The following CPNE2 variants were observed in gnomAD, a reference collection of about 807,000 sequenced individuals.
CPNE2 encodes copine-2.
In CPNE2, 42 loss-of-function variants were observed where a neutral mutation model predicts 69.7. The observed-to-expected ratio is 0.60, with a 90% CI of 0.47 to 0.78. The LOEUF (loss-of-function observed/expected upper bound fraction) is 0.78. CPNE2 is among the 30% of genes least tolerant of loss of function. CPNE2 has a pLI of 0.00. For synonymous variants in CPNE2, 294 were observed against 289.8 expected, an observed-to-expected ratio of 1.01 and a Z score of -0.15; for missense variants, 587 against 732.0, an observed-to-expected ratio of 0.80 and a Z score of 2.29.
intron 1 of CPNE2, among the ~76,000 whole-genome samples, chr16:57,098,342 G>A (rs76207127): frequency 0.063 from 9,635 of 152,266 alleles, 496 homozygotes; most frequent in East Asian, 0.13. Context: ...CCGTAGCCTC[G>A]GTGCAGAAAT....
chr16:57,127,280 G>T (rs1395151815), intron 11 of CPNE2, among the ~76,000 whole-genome samples: 1 of 152,192 alleles, frequency 6.6e-6, no homozygotes, highest in African/African-American at 2.4e-5. Flanking sequence ...TGTTACAGAT[G>T]GGGGCACAAC....
chr16:57,093,392 TG>T (rs1442871302), intron 1 of CPNE2, among the ~76,000 whole-genome samples: 2 of 151,932 alleles, frequency 1.3e-5, no homozygotes, highest in African/African-American at 2.4e-5. Flanking sequence ...AAAGGGGGTG[TG>T]GGGGTGGGCA....
In CPNE2 at chr16:57,115,457, T is replaced by G; in HGVS notation, c.361-19T>G. On this transcript the variant is annotated intron_variant, in intron 3 of 15. Coordinates refer to ENST00000290776, the MANE Select transcript of CPNE2 (RefSeq NM_152727.6). ...TCCCCCGCTTCCTCACTGAGCGCCC[T>G]TTCTCCTCTCTCCCCTAGATCGTCT... 1 of 1,599,404 alleles carries G rather than the reference T, an allele frequency of 6.3e-7. No individual in the cohort carries two copies. The highest frequency in any genetic ancestry group is 1.1e-5 in the South Asian group (1 of 89,602).
intron 1 of CPNE2, among the ~76,000 whole-genome samples, chr16:57,095,291 G>A (rs2069571416): frequency 6.6e-6 from 1 of 152,182 alleles, no homozygotes; most frequent in Non-Finnish European, 1.5e-5. Context: ...CCAGAAGGGA[G>A]GACATAGGGG....
chr16:57,097,897 T>C (rs2069587985), intron 1 of CPNE2, among the ~76,000 whole-genome samples: 1 of 152,074 alleles, frequency 6.6e-6, no homozygotes, highest in Non-Finnish European at 1.5e-5. Context: ...CCTATCCCCA[T>C]GTGGAGCTTC....
At chr16:57,107,754 A>C (rs4783972) in intron 1 of CPNE2, among the ~76,000 whole-genome samples, 49,731 of 151,716 alleles carry the variant, frequency 0.33, 8,753 homozygotes, top group South Asian at 0.41. Flanking sequence ...TGAAACTCAG[A>C]CACCCTATCA....
intron 1 of CPNE2, among the ~76,000 whole-genome samples, chr16:57,103,661 C>G (rs1263949441): frequency 2.6e-5 from 4 of 152,320 alleles, no homozygotes; most frequent in Admixed American, 6.5e-5. Flanking sequence ...GTGCCTGCCT[C>G]TCTCACTGTC....
At chr16:57,116,954 G>T (rs2069723526) in intron 4 of CPNE2, among the ~76,000 whole-genome samples, 1 of 152,206 alleles carries the variant, frequency 6.6e-6, no homozygotes, top group Non-Finnish European at 1.5e-5. Context: ...CGCCCAGCTA[G>T]GCCATCACTG....
At chr16:57,098,181 T>C (rs2069590136) in intron 1 of CPNE2, among the ~76,000 whole-genome samples, 1 of 152,144 alleles carries the variant, frequency 6.6e-6, no homozygotes, top group African/African-American at 2.4e-5. Flanking sequence ...TCCCTCTGAA[T>C]GTGGTCTGGT....
At chr16:57,099,452 G>A (rs61660954) in intron 1 of CPNE2, among the ~76,000 whole-genome samples, 3 of 152,116 alleles carry the variant, frequency 2.0e-5, no homozygotes, top group South Asian at 2.1e-4. Context: ...GAGTGTTTTC[G>A]TTGGGCACTA....
chr16:57,125,976 C>T lies in CPNE2; in HGVS notation c.1044C>T (p.Ile348=). The T allele has an allele frequency of 6.2e-7, 1 of 1,614,174 alleles. No homozygotes were observed. Among genetic ancestry groups the T allele is most frequent in the Non-Finnish European group, 8.5e-7 (1 of 1,180,030 alleles). The part of the protein sequence containing the change: ...YLSAIWAVGQ[I]IQDYDSDKMF... The stretch of plus-strand genomic sequence containing the variant: ...CGGCCATCTGGGCTGTTGGGCAGAT[C>T]ATTCAGGACTACGACAGGTAAGGTT... The change falls in exon 11 of 16, where the codon ATC becomes ATT. Residue 348 remains isoleucine (I), a synonymous_variant. Transcript: ENST00000290776.
At position 57,119,760 on chromosome 16, in the gene CPNE2, C is replaced by T. The variant is rs562584084; in HGVS notation, c.681+110C>T. ...AAAGCTCTTTCTCATACAAGTGGAA[C>T]GAACCCCCATCTTTGGAGGAGGGAG... On this transcript the variant is annotated intron_variant, in intron 7 of 15. Coordinates refer to ENST00000290776, the MANE Select transcript of CPNE2 (RefSeq NM_152727.6). 3.0e-4 allele frequency: 203 copies of T among 680,434 alleles called. No individual in the cohort carries two copies. In the African/African-American group the frequency reaches 3.2e-3, roughly 11 times the overall value. 42.1% of individuals were successfully genotyped at this position (680,434 alleles called of 1,614,324 possible).
intron 11 of CPNE2, 36 bp downstream of exon 11, chr16:57,126,029 G>A (rs1171673229): frequency 1.2e-6 from 2 of 1,611,892 alleles, no homozygotes; most frequent in Admixed American, 1.7e-5. Flanking sequence ...GTCAGCTAGG[G>A]TTCCATCCAA....
Position 57,121,709 on chromosome 16 carries a change from G to C in CPNE2, c.816G>C (p.Arg272Ser). ...EFECINPKKQ[R>S]KKKNYKNSGI... ...AGTGCATCAACCCCAAGAAGCAGAG[G>C]AAGAAGAAGAACTATAAAAACTCGG... Residue 272 changes from arginine (R) to serine (S), a missense_variant, in exon 9 of 16, where the codon AGG becomes AGC. This residue lies in a region of CPNE2 where 269 missense variants were observed against 300.5 expected (regional missense o/e 0.90). Coordinates refer to ENST00000290776, the MANE Select transcript of CPNE2 (RefSeq NM_152727.6). 1 of 1,614,062 alleles carries C rather than the reference G, an allele frequency of 6.2e-7. No individual in the cohort carries two copies. The highest frequency in any genetic ancestry group is 8.5e-7 in the Non-Finnish European group (1 of 1,179,950).
chr16:57,101,186 A>T (rs2069611101), intron 1 of CPNE2, among the ~76,000 whole-genome samples: 1 of 152,174 alleles, frequency 6.6e-6, no homozygotes, highest in Non-Finnish European at 1.5e-5. Context: ...GGCTTGCCCT[A>T]CAGATTTTGG....
chr16:57,107,248 A>G (rs1449290109), intron 1 of CPNE2, among the ~76,000 whole-genome samples: 1 of 152,158 alleles, frequency 6.6e-6, no homozygotes, highest in Admixed American at 6.5e-5. Context: ...TTTACACAAG[A>G]ATAAATCCTG....
In CPNE2 at chr16:57,110,778, G is replaced by T; in HGVS notation, c.36G>T (p.Ala12=). Residue 12 remains alanine (A), a synonymous_variant, in exon 2 of 16, where the codon GCG becomes GCT. Coordinates refer to ENST00000290776, the MANE Select transcript of CPNE2 (RefSeq NM_152727.6). Reference sequence around the variant, plus strand: ...TACCCAGTGGGGGTGCCCCAGCAGCGGGGGCAGCCCCCATGGGCCCCCAGT... The same window carrying T: ...TACCCAGTGGGGGTGCCCCAGCAGCTGGGGCAGCCCCCATGGGCCCCCAGT... The part of the protein sequence containing the change: ...AHIPSGGAPA[A]GAAPMGPQYC... 2 of 1,612,614 alleles carry T rather than the reference G, an allele frequency of 1.2e-6. No homozygotes were observed. Among genetic ancestry groups the T allele is most frequent in the Non-Finnish European group, 1.7e-6 (2 of 1,179,296 alleles).
rs1470142531 is a variant in CPNE2 at position 57,145,820 on chromosome 16, G to A, written c.1303-265G>A. ...GTCCAGGGCTCTCAGAGGCCCCAAG[G>A]GGGAGTCTAAGATAACACACAGGGC... On this transcript the variant is annotated intron_variant, in intron 14 of 15. Transcript: ENST00000290776. The A allele has an allele frequency of 5.9e-6, 3 of 504,202 alleles. 1 individual carries two copies. Among genetic ancestry groups the A allele is most frequent in the Non-Finnish European group, 1.1e-5 (3 of 276,366 alleles). The allele number at this position is 504,202 out of a possible 1,614,324, so 31.2% of individuals were successfully genotyped here. A position where few individuals can be genotyped will look rare whatever the true frequency, so the allele number is the denominator to read the frequency against.
Position 57,123,394 on chromosome 16 carries a change from A to C in CPNE2, c.868-20A>C. On this transcript the variant is annotated intron_variant, in intron 9 of 15. Transcript: ENST00000290776. ...GTGACCAAGTCAAGGGGACCCACTG[A>C]CTCATCCGCTTTCTTCCAGATAAAC... 1 of 1,611,880 alleles carries C rather than the reference A, an allele frequency of 6.2e-7. No homozygotes were observed. Among genetic ancestry groups the C allele is most frequent in the South Asian group, 1.1e-5 (1 of 91,074 alleles).
Sources: allele counts gnomAD v4.1 joint callset (sites outside exome capture counted in the v4.1 genomes callset), GRCh38; gene constraint gnomAD v4.1.1; regional missense constraint gnomAD v4.1.1; transcripts MANE v1.5; gene names NCBI Gene and HGNC (gene_info 2026-07-23, HGNC 2026-07-21).